Variants in F2 observed in about 807,000 individuals in gnomAD.
F2 encodes the protein prothrombin.
F2 carries 34 observed loss-of-function variants against 81.9 expected under a neutral mutation model. That is an observed-to-expected ratio of 0.42 (90% confidence interval 0.32 to 0.55). The LOEUF (loss-of-function observed/expected upper bound fraction) is 0.55, where lower values mean the gene tolerates loss of function less well. Among genes scored for constraint, F2 ranks in the 20% least tolerant of loss-of-function variants. F2 has a pLI of 0.18. For synonymous variants in F2, 296 were observed against 326.4 expected (o/e 0.91, Z 1.01); for missense variants, 630 against 833.4 (o/e 0.76, Z 3.00).
chr11:46,719,653 C>A lies in F2; in HGVS notation c.80-49C>A, dbSNP rs1047809423. 3.2e-6 allele frequency: 5 copies of A among 1,556,260 alleles called. No individual in the cohort carries two copies. The Admixed American group carries it at 5.8e-5, about 18-fold the overall frequency. On this transcript the variant is annotated intron_variant, in intron 1 of 13. Coordinates refer to ENST00000311907, the MANE Select transcript of F2 (RefSeq NM_000506.5). The surrounding 1 kb of genome is among the most constrained non-coding windows in gnomAD (Gnocchi z 4.7). ...CTTCATGCCCCCAGAATGGCCAAGACTGCCTGTTCCTGAGGCCGCTGTCCC... is the reference window on the plus strand; with the variant it reads ...CTTCATGCCCCCAGAATGGCCAAGAATGCCTGTTCCTGAGGCCGCTGTCCC...
chr11:46,729,227 G>A (rs567745899), intron 11 of F2, among the ~76,000 whole-genome samples, 153 bp from the exon 12 acceptor site: 2 of 152,176 alleles, frequency 1.3e-5, no homozygotes, highest in East Asian at 1.9e-4. Context: ...TGATTCACCC[G>A]CCTCGGCCTC....
intron 11 of F2, 117 bp from the exon 12 acceptor site, chr11:46,729,263 A>C: frequency 8.5e-7 from 1 of 1,169,706 alleles, no homozygotes; most frequent in Non-Finnish European, 1.2e-6. Context: ...CACAGGCGTG[A>C]ACGTCTGTGC....
chr11:46,736,217 A>G (rs1222976044), intron 12 of F2, among the ~76,000 whole-genome samples: 1 of 152,082 alleles, frequency 6.6e-6, no homozygotes, highest in Non-Finnish European at 1.5e-5. Flanking sequence ...CAATCAATCA[A>G]TCAATCAATC....
rs1192632926 is a variant in F2 at position 46,726,870 on chromosome 11, C to T, written c.1130+33C>T. 3 of 1,612,134 alleles carry T rather than the reference C, an allele frequency of 1.9e-6. No homozygotes were observed. The highest frequency in any genetic ancestry group is 1.7e-5 in the Admixed American group (1 of 59,994). The stretch of plus-strand genomic sequence containing the variant: ...CTGGAGCCCTGCGCTACCATTCACT[C>T]CTGGGGGCAGGTGTGCTGCTGGACC... On this transcript the variant is annotated intron_variant, in intron 9 of 13. Coordinates refer to ENST00000311907, the MANE Select transcript of F2 (RefSeq NM_000506.5). This position sits in a 1 kb window ranked among gnomAD's most constrained non-coding sequence, Gnocchi z 5.9.
intron 12 of F2, among the ~76,000 whole-genome samples, chr11:46,733,387 A>G (rs1478131239): frequency 6.6e-6 from 1 of 152,064 alleles, no homozygotes; most frequent in Non-Finnish European, 1.5e-5. Flanking sequence ...TATTTTTTGT[A>G]GAGACTGGGT....
Position 46,726,370 on chromosome 11 carries a change from C to A in F2, c.875-128C>A. On this transcript the variant is annotated intron_variant, in intron 7 of 13. Coordinates refer to ENST00000311907, the MANE Select transcript of F2 (RefSeq NM_000506.5). This position sits in a 1 kb window ranked among gnomAD's most constrained non-coding sequence, Gnocchi z 5.9. ...CCCCAGGAGGTTATTGCCTAGTAGCCCAACTGTGCATGCACGCTTAACCTC... is the reference window on the plus strand; with the variant it reads ...CCCCAGGAGGTTATTGCCTAGTAGCACAACTGTGCATGCACGCTTAACCTC... 1 of 1,515,974 alleles carries A rather than the reference C, an allele frequency of 6.6e-7. No individual in the cohort carries two copies. Among genetic ancestry groups the A allele is most frequent in the Non-Finnish European group, 8.9e-7 (1 of 1,119,378 alleles). 93.9% of individuals were successfully genotyped at this position (1,515,974 alleles called of 1,614,324 possible). A position where few individuals can be genotyped will look rare whatever the true frequency, so the allele number is the denominator to read the frequency against.
chr11:46,719,347 G>A lies in F2; in HGVS notation c.79+33G>A, dbSNP rs773515508. The A allele has an allele frequency of 5.0e-6, 8 of 1,599,744 alleles. No homozygotes were observed. In the Admixed American group the frequency reaches 1.0e-4, roughly 21 times the overall value. ...AGTGCTTGCAGGCTGGAACAGGCTG[G>A]AGGACTGGGGTGTGGGCCCATGGGC... On this transcript the variant is annotated intron_variant, in intron 1 of 13. Coordinates refer to ENST00000311907, the MANE Select transcript of F2 (RefSeq NM_000506.5). This position sits in a 1 kb window ranked among gnomAD's most constrained non-coding sequence, Gnocchi z 4.7.
Position 46,726,199 on chromosome 11 carries a change from A to C in F2, c.874+26A>C. The C allele has an allele frequency of 6.2e-7, 1 of 1,611,142 alleles. No homozygotes were observed. The highest frequency in any genetic ancestry group is 8.5e-7 in the Non-Finnish European group (1 of 1,179,846). On this transcript the variant is annotated intron_variant, in intron 7 of 13. Transcript: ENST00000311907. The surrounding 1 kb of genome is among the most constrained non-coding windows in gnomAD (Gnocchi z 5.9). ...GTGAGCTGCCTGGGTAGGGGGCCTG[A>C]GTTGCAGGGACAAATCCTGGTGGGA... is the stretch of plus-strand genomic sequence containing the variant.
intron 12 of F2, among the ~76,000 whole-genome samples, chr11:46,732,587 CAG>C (rs1411161858): frequency 6.6e-6 from 1 of 151,202 alleles, no homozygotes; most frequent in African/African-American, 2.4e-5. Flanking sequence ...TTAGTAGAGA[CAG>C]GGTTTCACCA....
chr11:46,720,150 C>T, intron 2 of F2: 2 of 557,630 alleles, frequency 3.6e-6, no homozygotes, highest in Non-Finnish European at 6.4e-6. Context: ...TCCTCAGCGG[C>T]AGACTCCCAC....
intron 4 of F2, among the ~76,000 whole-genome samples, chr11:46,721,561 G>C (rs974971775): frequency 3.3e-5 from 5 of 152,206 alleles, no homozygotes; most frequent in African/African-American, 1.2e-4. Context: ...CCTCTGGAGC[G>C]ACCATCACAT....
chr11:46,720,036 G>T, intron 2 of F2, 174 bp downstream of exon 2: 1 of 859,752 alleles, frequency 1.2e-6, no homozygotes, highest in Non-Finnish European at 1.8e-6. Context: ...CCTTTCCTGG[G>T]GGTCTCTGTG....
In F2 at chr11:46,728,278, T is replaced by TA; in HGVS notation, c.1298+117dup. The TA allele has an allele frequency of 8.7e-7, 1 of 1,155,238 alleles. No individual in the cohort carries two copies. Among genetic ancestry groups the TA allele is most frequent in the Non-Finnish European group, 1.3e-6 (1 of 794,106 alleles). The allele number at this position is 1,155,238 out of a possible 1,614,324, so 71.6% of individuals were successfully genotyped here. A position where few individuals can be genotyped will look rare whatever the true frequency, so the allele number is the denominator to read the frequency against. On this transcript the variant is annotated intron_variant, in intron 10 of 13. Coordinates refer to ENST00000311907, the MANE Select transcript of F2 (RefSeq NM_000506.5). The surrounding 1 kb of genome is among the most constrained non-coding windows in gnomAD (Gnocchi z 5.1). ...GATGTTCTGTATACCCCCCAGAATA[T>TA]AACATCCCAGCAGTCTCTGCTGGAA...
At position 46,726,165 on chromosome 11, in the gene F2, A is replaced by G. The variant is rs2064871321; in HGVS notation, c.866A>G (p.Asn289Ser). 2 of 1,613,616 alleles carry G rather than the reference A, an allele frequency of 1.2e-6. No individual in the cohort carries two copies. The highest frequency in any genetic ancestry group is 1.3e-5 in the African/African-American group (1 of 74,936). Residue 289 changes from asparagine to serine, a missense_variant, in exon 7 of 14, where the codon AAC (asparagine) becomes AGC (serine). By Grantham distance (46) the Asn-to-Ser change is conservative (BLOSUM62 1). Transcript: ENST00000311907. This position sits in a 1 kb window ranked among gnomAD's most constrained non-coding sequence, Gnocchi z 5.9. ...GGCGACTTTGGGTACTGCGACCTCA[A>G]CTATTGTGGTGAGCTGCCTGGGTAG... ...KPGDFGYCDL[N>S]YCEEAVEEET...
At chr11:46,731,714 C>T (rs1286124711) in intron 12 of F2, among the ~76,000 whole-genome samples, 1 of 152,022 alleles carries the variant, frequency 6.6e-6, no homozygotes, top group Admixed American at 6.6e-5. Flanking sequence ...CTAAGGTTTC[C>T]TCACGGTCAG....
rs764446396 is a variant in F2, at chr11:46,728,734, G to A, written c.1369G>A (p.Glu457Lys). ...IYIHPRYNWR[E>K]NLDRDIALMK... ...CATCCACCCCAGGTACAACTGGCGG[G>A]AGAACCTGGACCGGGACATTGCCCT... Residue 457 changes from glutamate (E) to lysine (K), a missense_variant, in exon 11 of 14, where the codon GAG becomes AAG. Glu to Lys is a moderately conservative substitution (Grantham distance 56). Coordinates refer to ENST00000311907, the MANE Select transcript of F2 (RefSeq NM_000506.5). This position sits in a 1 kb window ranked among gnomAD's most constrained non-coding sequence, Gnocchi z 5.1. 6.2e-7 allele frequency: 1 copy of A among 1,614,226 alleles called. No individual in the cohort carries two copies. Among genetic ancestry groups the A allele is most frequent in the African/African-American group, 1.3e-5 (1 of 75,056 alleles).
intron 12 of F2, among the ~76,000 whole-genome samples, chr11:46,730,510 G>T (rs941568901): frequency 6.6e-6 from 1 of 151,646 alleles, no homozygotes; most frequent in Non-Finnish European, 1.5e-5. Context: ...AGGGAGGCCT[G>T]GGGGGCTGAG....
rs752031286 is a variant in F2 at position 46,723,349 on chromosome 11, A to G, written c.423-33A>G. ...CAGGGAGCAAGCGTACCTCAAGCCC[A>G]ACAGCCTCCTGTTGGGCAATTTCCT... On this transcript the variant is annotated intron_variant, in intron 5 of 13. Coordinates refer to ENST00000311907, the MANE Select transcript of F2 (RefSeq NM_000506.5). This position sits in a 1 kb window ranked among gnomAD's most constrained non-coding sequence, Gnocchi z 5.6. 3 of 1,613,582 alleles carry G rather than the reference A, an allele frequency of 1.9e-6. No individual in the cohort carries two copies. The highest frequency in any genetic ancestry group is 2.5e-6 in the Non-Finnish European group (3 of 1,179,520).
In F2 at chr11:46,729,454, G is replaced by T. The variant is rs144885724; in HGVS notation, c.1547G>T (p.Gly516Val). 5.5e-5 allele frequency: 88 copies of T among 1,614,074 alleles called. No individual in the cohort carries two copies. Among genetic ancestry groups the T allele is most frequent in the Non-Finnish European group, 7.3e-5 (86 of 1,180,048 alleles). ...AAGGAGACGTGGACAGCCAACGTTG[G>T]TAAGGGGCAGCCCAGTGTCCTGCAG... ...NLKETWTANV[G>V]KGQPSVLQVV... is the part of the protein sequence containing the mutation. Residue 516 changes from glycine (G) to valine (V), a missense_variant, in exon 12 of 14, where the codon GGT becomes GTT. Transcript: ENST00000311907.
Sources: allele counts gnomAD v4.1 joint callset (sites outside exome capture counted in the v4.1 genomes callset), GRCh38; gene constraint gnomAD v4.1.1; non-coding constraint Gnocchi (gnomAD v3.1); transcripts MANE v1.5; gene names NCBI Gene and HGNC (gene_info 2026-07-23, HGNC 2026-07-21).